SPRY3: variants seen among roughly 807,000 people sequenced by gnomAD.
SPRY3 encodes protein sprouty homolog 3.
SPRY3 carries 15 observed loss-of-function variants against 20.2 expected under a neutral mutation model. The ratio of observed to expected loss-of-function variants is 0.74; its 90% CI spans 0.50 to 1.14. The LOEUF is 1.14. SPRY3 is among the 50% of genes most tolerant of loss of function. The probability of loss-of-function intolerance (pLI) is 0.00; values close to 1 mark genes in which losing one functional copy is unlikely to be tolerated. For synonymous variants in SPRY3, 143 were observed against 136.5 expected, an observed-to-expected ratio of 1.05 and a Z score of -0.33; for missense variants, 364 against 363.9, an observed-to-expected ratio of 1.00 and a Z score of 0.00.
chrX:155,721,405 A>C (rs2091056870), intron 2 of SPRY3, among the ~76,000 whole-genome samples: 1 of 152,182 alleles, frequency 6.6e-6, no homozygotes, highest in Non-Finnish European at 1.5e-5. Flanking sequence ...AGTAACAGAG[A>C]ACCTCCCAAA....
At chrX:155,759,985 C>T (rs1416692667) in intron 2 of SPRY3, among the ~76,000 whole-genome samples, 1 of 152,180 alleles carries the variant, frequency 6.6e-6, no homozygotes, top group Non-Finnish European at 1.5e-5. Context: ...TATCTCTCAT[C>T]TGTATCCCTA....
intron 2 of SPRY3, among the ~76,000 whole-genome samples, chrX:155,658,994 T>C (rs2068000440): frequency 8.9e-6 from 1 of 111,750 alleles, no homozygotes; most frequent in African/African-American, 3.3e-5. Context: ...TTTATTAATT[T>C]GCATGTGTTG....
intron 2 of SPRY3, among the ~76,000 whole-genome samples, chrX:155,761,375 A>C (rs1030770118): frequency 1.2e-4 from 18 of 151,992 alleles, no homozygotes; most frequent in Non-Finnish European, 2.4e-4. Context: ...TTCAAAAAAA[A>C]CAGAATTTGT....
intron 2 of SPRY3, among the ~76,000 whole-genome samples, chrX:155,675,700 GT>G (rs1249756218): frequency 1.8e-5 from 2 of 111,519 alleles, no homozygotes; most frequent in Non-Finnish European, 3.8e-5. Context: ...GTTATATATT[GT>G]TTTTTGTTAA....
At chrX:155,649,567 C>T (rs1260763708) in intron 1 of SPRY3, among the ~76,000 whole-genome samples, 3 of 111,509 alleles carry the variant, frequency 2.7e-5, no homozygotes, top group Non-Finnish European at 5.7e-5. Flanking sequence ...TAAAATTCAA[C>T]ACCCCTTCAT....
intron 1 of SPRY3, among the ~76,000 whole-genome samples, chrX:155,614,405 A>G (rs2067843829): frequency 8.9e-6 from 1 of 112,263 alleles, no homozygotes; most frequent in African/African-American, 3.2e-5. Context: ...AGAAAAGGCA[A>G]CAGGTTGATA....
intron 1 of SPRY3, among the ~76,000 whole-genome samples, chrX:155,646,320 G>A (rs1266983207): frequency 8.9e-6 from 1 of 111,965 alleles, no homozygotes; most frequent in Non-Finnish European, 1.9e-5. Context: ...TTCTATTTCT[G>A]TAAAAAATGT....
At chrX:155,752,875 T>G (rs1414955734) in intron 2 of SPRY3, among the ~76,000 whole-genome samples, 1 of 151,874 alleles carries the variant, frequency 6.6e-6, no homozygotes, top group Non-Finnish European at 1.5e-5. Flanking sequence ...CATTTTCTCT[T>G]TAGAAATTTG....
chrX:155,710,696 A>G (rs965728417), intron 2 of SPRY3, among the ~76,000 whole-genome samples: 24 of 151,696 alleles, frequency 1.6e-4, no homozygotes, highest in Non-Finnish European at 3.0e-4. Flanking sequence ...TTCCAATACT[A>G]TGTTGAATAA....
chrX:155,620,572 G>A (rs1557349317), intron 1 of SPRY3, among the ~76,000 whole-genome samples: 1 of 111,936 alleles, frequency 8.9e-6, no homozygotes, highest in African/African-American at 3.2e-5. Context: ...AAAGAAGCTA[G>A]ACACAAAAGA....
chrX:155,697,044 A>G (rs2068121081), intron 2 of SPRY3, among the ~76,000 whole-genome samples: 1 of 111,253 alleles, frequency 9.0e-6, no homozygotes. Flanking sequence ...GTGAAGTAAG[A>G]ACTATTATTG....
chrX:155,717,084 G>A (rs9650966), intron 2 of SPRY3, among the ~76,000 whole-genome samples: 5,230 of 141,468 alleles, frequency 0.037, 123 homozygotes, highest in African/African-American at 0.05. Flanking sequence ...GCTTGAACCC[G>A]GGAAGCAGAG....
chrX:155,657,116 A>G (rs782522490), intron 2 of SPRY3, among the ~76,000 whole-genome samples: 13 of 111,720 alleles, frequency 1.2e-4, no homozygotes, highest in East Asian at 2.8e-4. Context: ...CCCTTAGCAG[A>G]GCTCGAGCAC....
At chrX:155,704,702 CAA>C (rs2090937371) in intron 2 of SPRY3, among the ~76,000 whole-genome samples, 1 of 151,178 alleles carries the variant, frequency 6.6e-6, no homozygotes, top group South Asian at 2.1e-4. Context: ...TTTTAAAAAC[CAA>C]ACAAATTAGG....
intron 2 of SPRY3, among the ~76,000 whole-genome samples, chrX:155,752,462 C>T (rs2091268109): frequency 6.6e-6 from 1 of 151,272 alleles, no homozygotes. Context: ...ATTAAAAAGA[C>T]CAATGGCAAA....
At chrX:155,767,896 C>T (rs779934897) in intron 2 of SPRY3, 66 bp from the exon 2 acceptor site, 21 of 152,634 alleles carry the variant, frequency 1.4e-4, no homozygotes, top group Admixed American at 1.2e-3. Flanking sequence ...CTCGCCCCCT[C>T]CCCCGTTTTT....
rs3067500 is a variant in SPRY3, at chrX:155,654,686, GGTGTGTGTGTGT to G, written c.-440-2144_-440-2133del. On this transcript the variant is annotated intron_variant, in intron 1 of 3. Transcript: ENST00000675360. ...TTCTTATGGCTGCATAGTATTCCAT[GGTGTGTGTGTGT>G]GTGTGTGTGTGTGTGTGTGTGTGTG... 3.1e-3 allele frequency among the ~76,000 whole-genome samples: 270 copies of G among 85,943 alleles called. 1 individual carries two copies. The highest frequency in any genetic ancestry group is 0.01 in the East Asian group (28 of 2,707). The allele number at this position is 85,943 out of a possible 115,157, so 74.6% of individuals were successfully genotyped here.
chrX:155,723,013 A>C (rs947893817), intron 2 of SPRY3, among the ~76,000 whole-genome samples: 2 of 143,598 alleles, frequency 1.4e-5, no homozygotes, highest in African/African-American at 2.6e-5. Context: ...GTTCCCACCT[A>C]TGAGTGAGAA....
Position 155,648,976 on chromosome X carries a change from G to T in SPRY3, c.-440-7891G>T, listed in dbSNP as rs181894139. ...AACAGAAATACAAACTACCATCAGA[G>T]AATACTATAAACACCTCTATGCAAA... On this transcript the variant is annotated intron_variant, in intron 1 of 3. Transcript: ENST00000675360. Among the ~76,000 whole-genome samples, 344 of 111,939 alleles carry T rather than the reference G, an allele frequency of 3.1e-3. 6 individuals are homozygous for T. Among genetic ancestry groups the T allele is most frequent in the Admixed American group, 0.029 (307 of 10,580 alleles).
Sources: allele counts gnomAD v4.1 joint callset (sites outside exome capture counted in the v4.1 genomes callset), GRCh38; gene constraint gnomAD v4.1.1; transcripts MANE v1.5; gene names NCBI Gene and HGNC (gene_info 2026-07-23, HGNC 2026-07-21).